MMD: variants seen among roughly 807,000 people sequenced by gnomAD.
MMD encodes monocyte to macrophage differentiation associated.
A neutral mutation model predicts 33.6 loss-of-function variants in MMD; 22 were observed. The observed-to-expected ratio is 0.66, with a 90% CI of 0.47 to 0.94. The LOEUF (loss-of-function observed/expected upper bound fraction) is 0.94. Ranked by LOEUF, MMD falls within the 40% of genes least tolerant of loss-of-function variation. The probability of loss-of-function intolerance (pLI) is 0.00; values close to 1 mark genes in which losing one functional copy is unlikely to be tolerated. For synonymous variants in MMD, 97 were observed against 103.2 expected (o/e 0.94, Z 0.36); for missense variants, 242 against 309.8 (o/e 0.78, Z 1.64).
intron 5 of MMD, among the ~76,000 whole-genome samples, chr17:55,402,037 T>C (rs1330061143): frequency 2.2e-5 from 3 of 135,452 alleles, no homozygotes; most frequent in Admixed American, 8.4e-5. Flanking sequence ...TGAGCCGAGA[T>C]CGCACCACTG....
At position 55,394,500 on chromosome 17, in the gene MMD, C is replaced by T; in HGVS notation, c.551G>A (p.Gly184Glu). Reference protein sequence around the residue: ...NTDGLQELACGGLIYCLGVVF... With the variant: ...NTDGLQELACEGLIYCLGVVF... ...AACTCCCAAGCAATAAATTAAGCCCCCACAGGCAAGTTCCTGAAGTCCATC... is the reference window on the plus strand; with the variant it reads ...AACTCCCAAGCAATAAATTAAGCCCTCACAGGCAAGTTCCTGAAGTCCATC... Residue 184 changes from glycine (G) to glutamate (E), a missense_variant, in exon 7 of 7, where the codon GGG becomes GAG. Gly to Glu is a moderately conservative substitution (Grantham distance 98). Coordinates refer to ENST00000262065, the MANE Select transcript of MMD (RefSeq NM_012329.3). 1 of 1,526,054 alleles carries T rather than the reference C, an allele frequency of 6.6e-7. No homozygotes were observed. Among genetic ancestry groups the T allele is most frequent in the Non-Finnish European group, 8.8e-7 (1 of 1,141,218 alleles). 94.5% of individuals were successfully genotyped at this position (1,526,054 alleles called of 1,614,324 possible).
At chr17:55,401,410 T>A (rs569919993) in intron 6 of MMD, 59 bp downstream of exon 6, 13 of 1,389,574 alleles carry the variant, frequency 9.4e-6, no homozygotes, top group Non-Finnish European at 1.3e-5. Flanking sequence ...ATATCCATAA[T>A]CATGTTAAGT....
intron 1 of MMD, among the ~76,000 whole-genome samples, chr17:55,421,446 A>G (rs1417581373): frequency 6.6e-6 from 1 of 152,184 alleles, no homozygotes; most frequent in Non-Finnish European, 1.5e-5. Context: ...AGGTCCGCAG[A>G]TCGCGAGGGG....
chr17:55,402,087 CAAAAAA>C (rs55724383), intron 5 of MMD, among the ~76,000 whole-genome samples: 1 of 92,050 alleles, frequency 1.1e-5, no homozygotes, highest in Non-Finnish European at 2.1e-5. Flanking sequence ...GACTCAGTCT[CAAAAAA>C]AAAAAAAAAA....
chr17:55,419,596 G>A lies in MMD; in HGVS notation c.26+2074C>T, dbSNP rs537842512. ...TATCATGAACACAGCATTAAAAGATGCAGAATAGTACTACTCTCAGCATTT... is the reference window on the plus strand; with the variant it reads ...TATCATGAACACAGCATTAAAAGATACAGAATAGTACTACTCTCAGCATTT... On this transcript the variant is annotated intron_variant, in intron 1 of 6. Coordinates refer to ENST00000262065, the MANE Select transcript of MMD (RefSeq NM_012329.3). Among the ~76,000 whole-genome samples the A allele has an allele frequency of 2.6e-3, 337 of 128,390 alleles. 1 individual carries two copies. Among genetic ancestry groups the A allele is most frequent in the Middle Eastern group, 7.5e-3 (2 of 266 alleles). The allele number at this position is 128,390 out of a possible 152,430, so 84.2% of individuals were successfully genotyped here.
intron 6 of MMD, among the ~76,000 whole-genome samples, chr17:55,394,794 C>T (rs764879879): frequency 1.3e-5 from 2 of 152,248 alleles, no homozygotes; most frequent in Non-Finnish European, 1.5e-5. Context: ...ACATTCTGCT[C>T]ATTTACAGCA....
intron 4 of MMD, chr17:55,404,352 C>CT: frequency 9.4e-6 from 6 of 640,854 alleles, no homozygotes; most frequent in Non-Finnish European, 1.2e-5. Flanking sequence ...AAGACTCCAC[C>CT]TAAAAAAAAA....
At chr17:55,413,552 T>C (rs1351712280) in intron 2 of MMD, among the ~76,000 whole-genome samples, 2 of 152,194 alleles carry the variant, frequency 1.3e-5, no homozygotes, top group African/African-American at 4.8e-5. Flanking sequence ...GTTTTTCTTA[T>C]ATATTTTTCA....
At chr17:55,398,159 A>G (rs1022585165) in intron 6 of MMD, among the ~76,000 whole-genome samples, 2 of 151,004 alleles carry the variant, frequency 1.3e-5, no homozygotes, top group African/African-American at 4.9e-5. Flanking sequence ...CAGAAAACCC[A>G]AAACAAAAAA....
chr17:55,414,391 C>T (rs1907882724), intron 1 of MMD, among the ~76,000 whole-genome samples, 159 bp from the exon 2 acceptor site: 1 of 152,146 alleles, frequency 6.6e-6, no homozygotes, highest in Non-Finnish European at 1.5e-5. Flanking sequence ...GAGGAGTAAA[C>T]TGAGCCAATA....
Position 55,407,818 on chromosome 17 carries a change from G to T in MMD, c.272C>A (p.Thr91Lys), listed in dbSNP as rs1167457362. The T allele has an allele frequency of 6.4e-7, 1 of 1,574,416 alleles. No homozygotes were observed. The highest frequency in any genetic ancestry group is 2.1e-5 in the Admixed American group (1 of 48,428). The change falls in exon 4 of 7, where the codon ACA (threonine) becomes AAA (lysine). Residue 91 changes from threonine (T) to lysine (K), a missense_variant and splice_region_variant. Thr to Lys is a moderately conservative substitution (Grantham distance 78). Coordinates refer to ENST00000262065, the MANE Select transcript of MMD (RefSeq NM_012329.3). ...ACACATGTGAAAACAATGCTCCACT[G>T]TCCTAGCGAGGGGGAAAAAAAAGTA... is the stretch of plus-strand genomic sequence containing the variant. ...IVSWKKSHLR[T>K]VEHCFHMCDR...
At chr17:55,412,272 G>C (rs1028947316) in intron 2 of MMD, among the ~76,000 whole-genome samples, 2 of 152,180 alleles carry the variant, frequency 1.3e-5, no homozygotes, top group South Asian at 2.1e-4. Context: ...TTTCAGTTTG[G>C]ATCTGTACAT....
At chr17:55,397,313 C>T (rs1347101333) in intron 6 of MMD, among the ~76,000 whole-genome samples, 1 of 151,844 alleles carries the variant, frequency 6.6e-6, no homozygotes, top group African/African-American at 2.4e-5. Flanking sequence ...AGGTGCCCAC[C>T]ACCACGCCCA....
chr17:55,407,229 T>C (rs28541527), intron 4 of MMD, among the ~76,000 whole-genome samples: 4,996 of 151,448 alleles, frequency 0.033, 250 homozygotes, highest in African/African-American at 0.11. Flanking sequence ...CTCAGGAGGC[T>C]GAGGCAGGAG....
intron 1 of MMD, 58 bp from the exon 2 acceptor site, chr17:55,414,290 G>A: frequency 1.3e-6 from 2 of 1,515,542 alleles, no homozygotes; most frequent in Middle Eastern, 1.7e-4. Context: ...AGAACAATGA[G>A]GAAACCCACC....
At chr17:55,409,469 C>A (rs1405311671) in intron 3 of MMD, among the ~76,000 whole-genome samples, 1 of 152,202 alleles carries the variant, frequency 6.6e-6, no homozygotes, top group Non-Finnish European at 1.5e-5. Flanking sequence ...CTCTGACTCT[C>A]ACTTACCTCA....
intron 3 of MMD, 61 bp downstream of exon 3, chr17:55,411,196 G>T: frequency 1.3e-6 from 2 of 1,537,030 alleles, no homozygotes; most frequent in Middle Eastern, 3.7e-4. Context: ...AGCTTGGAAG[G>T]GTACCAAACA....
intron 6 of MMD, among the ~76,000 whole-genome samples, chr17:55,398,187 T>C (rs1907195114): frequency 6.6e-6 from 1 of 151,712 alleles, no homozygotes; most frequent in Admixed American, 6.6e-5. Context: ...AATTTCTTTC[T>C]TCTTTTGTTC....
At chr17:55,420,255 T>TC (rs1404327958) in intron 1 of MMD, 1 of 152,166 alleles carries the variant, frequency 6.6e-6, no homozygotes, top group Non-Finnish European at 1.5e-5. Context: ...GCACAGGGCT[T>TC]CACTGATCAT....
Sources: gnomAD v4.1 joint callset for allele counts (sites outside exome capture counted in the v4.1 genomes callset) on GRCh38, gnomAD v4.1.1 for gene constraint, MANE v1.5 for transcripts, NCBI Gene and HGNC (gene_info 2026-07-23, HGNC 2026-07-21) for gene names.